Variants in PHKA2 observed in about 807,000 individuals in gnomAD.
PHKA2 encodes phosphorylase kinase regulatory subunit alpha 2.
PHKA2 carries 31 observed loss-of-function variants against 102.0 expected under a neutral mutation model. That is an observed-to-expected ratio of 0.30 (90% CI 0.23 to 0.41). The LOEUF is 0.41. PHKA2 is among the 10% of genes least tolerant of loss of function. PHKA2 has a pLI of 1.00. For missense variants in PHKA2, 858 were observed against 1,023.1 expected (o/e 0.84, Z 2.20); for synonymous variants, 455 against 416.2 (o/e 1.09, Z -1.13).
At chrX:18,957,738 TTATA>T (rs748964864) in intron 1 of PHKA2, among the ~76,000 whole-genome samples, 11 of 95,140 alleles carry the variant, frequency 1.2e-4, no homozygotes, top group South Asian at 8.8e-4. Flanking sequence ...TAAAACCAGA[TTATA>T]TATATATATA....
intron 2 of PHKA2, 53 bp downstream of exon 2, chrX:18,954,201 G>A (rs1440181016): frequency 8.5e-7 from 1 of 1,173,485 alleles, no homozygotes. Flanking sequence ...GGGTTTTTCA[G>A]TTCAAGGAGA....
chrX:18,913,437 G>A (rs374864071), intron 19 of PHKA2, among the ~76,000 whole-genome samples: 3 of 107,737 alleles, frequency 2.8e-5, no homozygotes, highest in East Asian at 5.8e-4. Context: ...ATGGAGTCTC[G>A]CCTTGTTGCC....
chrX:18,919,728 C>CAAAAAAA (rs56042937), intron 18 of PHKA2, among the ~76,000 whole-genome samples: 1 of 27,524 alleles, frequency 3.6e-5, no homozygotes, highest in Non-Finnish European at 7.6e-5. Flanking sequence ...CAAACAACAA[C>CAAAAAAA]AAAAAAAAAA....
At chrX:18,932,265 C>G (rs768995664) in intron 11 of PHKA2, among the ~76,000 whole-genome samples, 1 of 112,253 alleles carries the variant, frequency 8.9e-6, no homozygotes, top group Admixed American at 9.4e-5. Flanking sequence ...AAAAGCTGAA[C>G]CCACTGGGGG....
Position 18,983,961 on chromosome X carries a change from C to G in PHKA2, c.-29G>C, listed in dbSNP as rs973359307. ...CCCGAGGCTCCCAGGCCGCAGCGCC[C>G]GATCTGCCGCGTGGGCGCGGGACGT... is the stretch of plus-strand genomic sequence containing the variant. On this transcript the variant is annotated 5_prime_UTR_variant, in exon 1 of 33. Coordinates refer to ENST00000379942, the MANE Select transcript of PHKA2 (RefSeq NM_000292.3). The G allele has an allele frequency of 8.6e-7, 1 of 1,157,952 alleles. No individual in the cohort carries two copies. Among genetic ancestry groups the G allele is most frequent in the Non-Finnish European group, 1.2e-6 (1 of 846,291 alleles).
chrX:18,939,345 AATTTT>A (rs1180567616), intron 9 of PHKA2, among the ~76,000 whole-genome samples: 1 of 109,015 alleles, frequency 9.2e-6, no homozygotes, highest in Admixed American at 9.8e-5. Context: ...CTGCCTCACT[AATTTT>A]ATTTTATTTT....
chrX:18,937,401 A>C (rs1159813517), intron 10 of PHKA2, among the ~76,000 whole-genome samples: 1 of 111,397 alleles, frequency 9.0e-6, no homozygotes, highest in East Asian at 2.8e-4. Flanking sequence ...TATACCCGTG[A>C]ACTGGAGAGA....
At chrX:18,950,220 G>A (rs950913384) in intron 4 of PHKA2, among the ~76,000 whole-genome samples, 1 of 112,025 alleles carries the variant, frequency 8.9e-6, no homozygotes, top group Non-Finnish European at 1.9e-5. Context: ...CCCGCTCTGG[G>A]CACACTGCTG....
chrX:18,919,745 A>AG (rs2048082393), intron 18 of PHKA2, among the ~76,000 whole-genome samples: 1 of 105,513 alleles, frequency 9.5e-6, no homozygotes, highest in African/African-American at 3.5e-5. Context: ...AAAAAAAAAA[A>AG]AAGAGAGAGA....
At chrX:18,923,557 T>C (rs2048161577) in intron 17 of PHKA2, among the ~76,000 whole-genome samples, 1 of 111,807 alleles carries the variant, frequency 8.9e-6, no homozygotes, top group East Asian at 2.8e-4. Context: ...GGGGGCTCAT[T>C]CCACAGAAGG....
At chrX:18,919,933 T>C in intron 18 of PHKA2, 99 bp downstream of exon 18, 1 of 642,143 alleles carries the variant, frequency 1.6e-6, no homozygotes, top group African/African-American at 2.2e-5. Context: ...TTTTTAATTA[T>C]CAATCATTGT....
chrX:18,935,330 T>C (rs2048376000), intron 11 of PHKA2, among the ~76,000 whole-genome samples: 2 of 112,151 alleles, frequency 1.8e-5, no homozygotes, highest in South Asian at 7.4e-4. Context: ...TAGAATGGCT[T>C]CTAAGTGATT....
At chrX:18,934,453 C>T (rs1346769800) in intron 11 of PHKA2, among the ~76,000 whole-genome samples, 1 of 111,909 alleles carries the variant, frequency 8.9e-6, no homozygotes, top group Non-Finnish European at 1.9e-5. Flanking sequence ...AGGGTCCAGG[C>T]TGGTGGGGCT....
At chrX:18,894,975 A>AT (rs923133394) in intron 31 of PHKA2, 163 bp downstream of exon 31, 4 of 546,501 alleles carry the variant, frequency 7.3e-6, no homozygotes, top group African/African-American at 4.6e-5. Flanking sequence ...CTGGAAAGAC[A>AT]TTTTTGCCAA....
At chrX:18,951,293 G>A (rs369446135) in intron 3 of PHKA2, 21 bp from the exon 4 acceptor site, 32 of 1,200,040 alleles carry the variant, frequency 2.7e-5, no homozygotes, top group East Asian at 5.9e-5. Flanking sequence ...AGGCAAGCCC[G>A]CTCTGCATAG....
intron 1 of PHKA2, among the ~76,000 whole-genome samples, chrX:18,983,380 A>C (rs2049207176): frequency 8.9e-6 from 1 of 112,225 alleles, no homozygotes; most frequent in African/African-American, 3.2e-5. Context: ...ATAGCAACCA[A>C]AGTAGCCCCT....
At chrX:18,957,964 A>G (rs1018112560) in intron 1 of PHKA2, among the ~76,000 whole-genome samples, 2 of 109,376 alleles carry the variant, frequency 1.8e-5, no homozygotes, top group Admixed American at 2.0e-4. Flanking sequence ...GGTTCAAGCA[A>G]TTCTCCTGCC....
At chrX:18,921,669 A>C (rs2048125353) in intron 17 of PHKA2, among the ~76,000 whole-genome samples, 1 of 111,577 alleles carries the variant, frequency 9.0e-6, no homozygotes, top group Non-Finnish European at 1.9e-5. Context: ...GGCTCTCTGA[A>C]TCATCTGCCA....
At chrX:18,976,602 A>C (rs1243787835) in intron 1 of PHKA2, among the ~76,000 whole-genome samples, 5 of 111,676 alleles carry the variant, frequency 4.5e-5, no homozygotes, top group Non-Finnish European at 9.4e-5. Flanking sequence ...ATTACAGTAT[A>C]TTGTTTTAAT....
Sources: allele counts gnomAD v4.1 joint callset (sites outside exome capture counted in the v4.1 genomes callset), GRCh38; gene constraint gnomAD v4.1.1; transcripts MANE v1.5; gene names NCBI Gene and HGNC (gene_info 2026-07-23, HGNC 2026-07-21).